DGKH: variants seen among roughly 807,000 people sequenced by gnomAD.
DGKH encodes the protein DAG kinase eta.
Under a neutral mutation model 159.3 loss-of-function variants are expected in DGKH, and 90 were observed. That is an observed-to-expected ratio of 0.57 (90% CI 0.48 to 0.67). The LOEUF is 0.67. Among genes scored for constraint, DGKH ranks in the 30% least tolerant of loss-of-function variants. The pLI is 0.00. For missense variants in DGKH, 1,181 were observed against 1,506.1 expected (o/e 0.78, Z 3.57); for synonymous variants, 536 against 553.8 (o/e 0.97, Z 0.45).
chr13:42,129,693 G>A (rs1955250082), intron 3 of DGKH, 61 bp downstream of exon 3: 19 of 1,446,740 alleles, frequency 1.3e-5, no homozygotes, highest in Non-Finnish European at 1.6e-5. Flanking sequence ...TCTTAAGCGT[G>A]TACAGAATGC....
In DGKH at chr13:42,176,180, G is replaced by T. The variant is rs573073552; in HGVS notation, c.1453-1955G>T. ...TAATGGACAAAAACTTGGATTTTTT[G>T]AATGTAAGTTTCAAATGGCATTAAT... On this transcript the variant is annotated intron_variant, in intron 12 of 29. Transcript: ENST00000337343. Among the ~76,000 whole-genome samples the T allele has an allele frequency of 3.7e-4, 56 of 152,002 alleles. 1 individual carries two copies. The highest frequency in any genetic ancestry group is 1.9e-4 in the East Asian group (1 of 5,188).
At chr13:42,111,378 G>A (rs1457940749) in intron 1 of DGKH, among the ~76,000 whole-genome samples, 12 of 152,098 alleles carry the variant, frequency 7.9e-5, no homozygotes, top group Non-Finnish European at 1.8e-4. Flanking sequence ...TCAGGAGTTC[G>A]AGACCAGCCT....
rs74051674 is a variant in DGKH, at chr13:42,138,410, A to G, written c.384+8778A>G. Reference sequence around the variant, plus strand: ...GGTGGAAACTGAAATTTCCTTGCAGATGCAAAGACTGTGTCTTCTTTACCA... The same window carrying G: ...GGTGGAAACTGAAATTTCCTTGCAGGTGCAAAGACTGTGTCTTCTTTACCA... On this transcript the variant is annotated intron_variant, in intron 3 of 29. Coordinates refer to ENST00000337343, the MANE Select transcript of DGKH (RefSeq NM_178009.5). Among the ~76,000 whole-genome samples the G allele has an allele frequency of 0.1, 15,419 of 152,248 alleles. 1,882 individuals carry two copies. Among genetic ancestry groups the G allele is most frequent in the African/African-American group, 0.29 (12,123 of 41,496 alleles).
At chr13:42,122,474 C>A (rs1225274523) in intron 1 of DGKH, among the ~76,000 whole-genome samples, 1 of 152,118 alleles carries the variant, frequency 6.6e-6, no homozygotes, top group Non-Finnish European at 1.5e-5. Flanking sequence ...TAGCTCAGAT[C>A]TTTCTTTCTT....
intron 29 of DGKH, 107 bp downstream of exon 29, chr13:42,221,501 A>G: frequency 1.4e-6 from 2 of 1,408,458 alleles, no homozygotes; most frequent in East Asian, 2.3e-5. Context: ...TGTCATGCAA[A>G]TGTGTAGTAA....
intron 1 of DGKH, among the ~76,000 whole-genome samples, chr13:42,055,014 T>C (rs578171482): frequency 1.3e-5 from 2 of 152,330 alleles, no homozygotes; most frequent in East Asian, 3.9e-4. Context: ...TCATGTAATT[T>C]TCATGTGCTA....
At chr13:42,040,692 C>T (rs1304190141) in intron 1 of DGKH, among the ~76,000 whole-genome samples, 4 of 148,876 alleles carry the variant, frequency 2.7e-5, no homozygotes, top group African/African-American at 4.9e-5. Flanking sequence ...GGCGCGGGGG[C>T]GGGAGAGCGC....
At chr13:42,183,531 A>T (rs1956831176) in intron 13 of DGKH, among the ~76,000 whole-genome samples, 2 of 152,120 alleles carry the variant, frequency 1.3e-5, no homozygotes, top group Admixed American at 1.3e-4. Flanking sequence ...ATTAAGGCAA[A>T]ATGTTTAAAC....
At chr13:42,208,418 T>C (rs17520700) in intron 21 of DGKH, among the ~76,000 whole-genome samples, 4,868 of 152,262 alleles carry the variant, frequency 0.032, 109 homozygotes, top group Middle Eastern at 0.049. Context: ...TACTCTCAAG[T>C]TCCCTCAAAA....
At chr13:42,207,650 A>T (rs1957539234) in intron 21 of DGKH, among the ~76,000 whole-genome samples, 1 of 148,936 alleles carries the variant, frequency 6.7e-6, no homozygotes, top group Admixed American at 6.7e-5. Flanking sequence ...TACAAATGTA[A>T]TTGTTGTGAA....
At chr13:42,207,133 CCTT>C (rs1957521330) in intron 21 of DGKH, among the ~76,000 whole-genome samples, 1 of 29,266 alleles carries the variant, frequency 3.4e-5, no homozygotes, top group African/African-American at 1.3e-4. Flanking sequence ...CTCCTTCCTT[CCTT>C]CCTTCCTTCC....
At chr13:42,185,134 A>G (rs908888773) in intron 13 of DGKH, among the ~76,000 whole-genome samples, 1 of 152,132 alleles carries the variant, frequency 6.6e-6, no homozygotes, top group Non-Finnish European at 1.5e-5. Flanking sequence ...CTTTGCAATC[A>G]TACTGTTTTT....
chr13:42,182,678 C>T (rs1205177241), intron 13 of DGKH, among the ~76,000 whole-genome samples: 1 of 152,062 alleles, frequency 6.6e-6, no homozygotes, highest in Non-Finnish European at 1.5e-5. Flanking sequence ...GTTTTCAGAC[C>T]ATGGTTGGTT....
chr13:42,144,003 A>C (rs968876026), intron 3 of DGKH, among the ~76,000 whole-genome samples: 2 of 151,390 alleles, frequency 1.3e-5, no homozygotes, highest in Non-Finnish European at 2.9e-5. Flanking sequence ...GAAATAACTA[A>C]AAAAAATTAT....
chr13:42,094,786 T>G (rs1236430430), intron 1 of DGKH, among the ~76,000 whole-genome samples: 1 of 152,200 alleles, frequency 6.6e-6, no homozygotes, highest in African/African-American at 2.4e-5. Flanking sequence ...AGAGTGCAAA[T>G]TGACAGATTC....
chr13:42,206,931 G>T (rs75966636), intron 21 of DGKH, among the ~76,000 whole-genome samples: 1 of 132,862 alleles, frequency 7.5e-6, no homozygotes, highest in African/African-American at 2.6e-5. Context: ...GGGCAGAGAG[G>T]GGGCATTATT....
intron 3 of DGKH, among the ~76,000 whole-genome samples, chr13:42,151,588 C>T (rs1289166188): frequency 1.1e-5 from 1 of 88,770 alleles, no homozygotes; most frequent in Non-Finnish European, 2.8e-5. Context: ...TACACACACA[C>T]ACACACACAC....
At position 42,221,498 on chromosome 13, in the gene DGKH, C is replaced by CA. The variant is rs1957972050; in HGVS notation, c.3573+107dup. The CA allele has an allele frequency of 9.7e-6, 14 of 1,444,042 alleles. No homozygotes were observed. The Admixed American group carries it at 2.7e-4, about 28-fold the overall frequency. The allele number at this position is 1,444,042 out of a possible 1,614,324, so 89.5% of individuals were successfully genotyped here. A position where few individuals can be genotyped will look rare whatever the true frequency, so the allele number is the denominator to read the frequency against. On this transcript the variant is annotated intron_variant, in intron 29 of 29. Transcript: ENST00000337343. ...TGCTTTTAGCTTCGCTTATGTCATG[C>CA]AAATGTGTAGTAACCTAACATTCAC...
rs1956997656 is a variant in DGKH, at chr13:42,189,021, A to G, written c.1639-15A>G. On this transcript the variant is annotated splice_polypyrimidine_tract_variant and intron_variant, in intron 14 of 29. Coordinates refer to ENST00000337343, the MANE Select transcript of DGKH (RefSeq NM_178009.5). ...CTTTTTGAGTATTTTTCTCATTGCC[A>G]TATTTTCCTCTCAGTGTTCAGTCCT... 1.2e-6 allele frequency: 2 copies of G among 1,603,150 alleles called. No individual in the cohort carries two copies. Among genetic ancestry groups the G allele is most frequent in the Non-Finnish European group, 1.7e-6 (2 of 1,172,922 alleles).
Sources: allele counts gnomAD v4.1 joint callset (sites outside exome capture counted in the v4.1 genomes callset), GRCh38; gene constraint gnomAD v4.1.1; transcripts MANE v1.5; gene names NCBI Gene and HGNC (gene_info 2026-07-23, HGNC 2026-07-21).